BTAF1: variants seen among roughly 807,000 people sequenced by gnomAD.
BTAF1 encodes B-TFIID TATA-box binding protein associated factor 1.
Under a neutral mutation model 227.1 loss-of-function variants are expected in BTAF1, and 38 were observed. That is an observed-to-expected ratio of 0.17 (90% CI 0.13 to 0.22). BTAF1 has a LOEUF of 0.22. Among genes scored for constraint, BTAF1 ranks in the 10% least tolerant of loss-of-function variants. BTAF1 has a pLI of 1.00. For missense variants in BTAF1, 1,598 were observed against 2,204.0 expected, an observed-to-expected ratio of 0.73 and a Z score of 5.51; for synonymous variants, 742 against 751.9, an observed-to-expected ratio of 0.99 and a Z score of 0.21.
rs970996267 is a variant in BTAF1, at chr10:91,953,667, C to T, written c.565-70C>T. ...TGAAATTTATAGACTTGGTCTTCTT[C>T]TGAGGCTGAGACTATAGGTACTTAT... On this transcript the variant is annotated intron_variant, in intron 5 of 37. Transcript: ENST00000265990. 16 of 1,525,508 alleles carry T rather than the reference C, an allele frequency of 1.0e-5. No individual in the cohort carries two copies. The Middle Eastern group carries it at 1.4e-3, about 134-fold the overall frequency. 94.5% of individuals were successfully genotyped at this position (1,525,508 alleles called of 1,614,324 possible).
chr10:91,959,459 C>G (rs1045299523), intron 9 of BTAF1, among the ~76,000 whole-genome samples: 4 of 151,806 alleles, frequency 2.6e-5, no homozygotes. Context: ...CTTAATTTCT[C>G]TTGGAGTGCG....
At chr10:91,994,106 G>C (rs950118623) in intron 22 of BTAF1, among the ~76,000 whole-genome samples, 7 of 152,140 alleles carry the variant, frequency 4.6e-5, no homozygotes, top group Non-Finnish European at 7.3e-5. Context: ...TTGAGGTCAG[G>C]AGTTTGAGAC....
chr10:91,935,569 T>C, intron 1 of BTAF1, 88 bp from the exon 2 acceptor site: 2 of 1,392,642 alleles, frequency 1.4e-6, no homozygotes, highest in Non-Finnish European at 1.9e-6. Context: ...TCTTCATTCA[T>C]AGCATCTGCT....
At chr10:92,024,710 G>A in intron 34 of BTAF1, 46 bp from the exon 35 acceptor site, 1 of 1,452,178 alleles carries the variant, frequency 6.9e-7, no homozygotes, top group Non-Finnish European at 9.4e-7. Flanking sequence ...TTAGTTTTCT[G>A]CTTTTATTGA....
intron 35 of BTAF1, among the ~76,000 whole-genome samples, chr10:92,025,832 A>AC (rs1851473710): frequency 1.4e-5 from 2 of 146,300 alleles, no homozygotes; most frequent in African/African-American, 2.5e-5. Context: ...AAAAAAAAAA[A>AC]CAAGCATCCC....
intron 23 of BTAF1, 137 bp downstream of exon 23, chr10:91,994,781 C>G: frequency 1.5e-6 from 1 of 680,820 alleles, no homozygotes; most frequent in Non-Finnish European, 2.4e-6. Context: ...TAACTAGATT[C>G]CTCCTTTACT....
chr10:91,968,094 TTTGTACATA>T (rs1847049373), intron 14 of BTAF1, among the ~76,000 whole-genome samples: 1 of 152,178 alleles, frequency 6.6e-6, no homozygotes, highest in Admixed American at 6.5e-5. Context: ...TTCTGTACAT[TTTGTACATA>T]TTGTACATTT....
At chr10:91,993,310 C>A (rs1000011689) in intron 21 of BTAF1, among the ~76,000 whole-genome samples, 1 of 152,150 alleles carries the variant, frequency 6.6e-6, no homozygotes, top group African/African-American at 2.4e-5. Context: ...CTTGTACTAT[C>A]CCTTAAGTGA....
intron 20 of BTAF1, among the ~76,000 whole-genome samples, chr10:91,991,818 TATATATATATATATACACAC>T (rs1848805739): frequency 1.6e-5 from 1 of 62,000 alleles, no homozygotes; most frequent in Non-Finnish European, 2.8e-5. Flanking sequence ...TATATATATA[TATATATATATATATACACAC>T]ATATATACAC....
intron 15 of BTAF1, among the ~76,000 whole-genome samples, chr10:91,981,239 T>G (rs1848041574): frequency 6.6e-6 from 1 of 152,174 alleles, no homozygotes; most frequent in African/African-American, 2.4e-5. Flanking sequence ...TTATACTAGG[T>G]TATTACCACC....
In BTAF1 at chr10:92,007,994, T is replaced by A. The variant is rs113769894; in HGVS notation, c.3661-129T>A. On this transcript the variant is annotated intron_variant, in intron 25 of 37. Transcript: ENST00000265990. ...TTAATGCTTGTCAATTTCTTTAACCTGATTTGTCTTCAAGTCTTTGTACAA... is the reference window on the plus strand; with the variant it reads ...TTAATGCTTGTCAATTTCTTTAACCAGATTTGTCTTCAAGTCTTTGTACAA... 712 of 829,986 alleles carry A rather than the reference T, an allele frequency of 8.6e-4. 13 individuals carry two copies. In the African/African-American group the frequency reaches 0.012, roughly 14 times the overall value. 51.4% of individuals were successfully genotyped at this position (829,986 alleles called of 1,614,324 possible).
chr10:91,975,984 T>G (rs1847655306), intron 14 of BTAF1, among the ~76,000 whole-genome samples: 1 of 152,212 alleles, frequency 6.6e-6, no homozygotes, highest in Non-Finnish European at 1.5e-5. Context: ...GGAATTAGTG[T>G]CAGCTCCCAC....
intron 15 of BTAF1, among the ~76,000 whole-genome samples, chr10:91,981,388 T>C (rs2133981747): frequency 6.6e-6 from 1 of 152,300 alleles, no homozygotes; most frequent in East Asian, 1.9e-4. Flanking sequence ...TGTATTACTT[T>C]TATAGGCATG....
In BTAF1 at chr10:91,953,717, G is replaced by T. The variant is rs770477973; in HGVS notation, c.565-20G>T. ...TTTTAATTTCAAAAGTTCCAACTCAGCATTCTTTTATTCTTTTAGACTCTT... is the reference window on the plus strand; with the variant it reads ...TTTTAATTTCAAAAGTTCCAACTCATCATTCTTTTATTCTTTTAGACTCTT... On this transcript the variant is annotated intron_variant, in intron 5 of 37. Coordinates refer to ENST00000265990, the MANE Select transcript of BTAF1 (RefSeq NM_003972.3). 6.8e-6 allele frequency: 11 copies of T among 1,605,918 alleles called. No homozygotes were observed. In the South Asian group the frequency reaches 9.0e-5, roughly 13 times the overall value.
chr10:91,950,154 G>C lies in BTAF1; in HGVS notation c.401-1249G>C, dbSNP rs867454957. Among the ~76,000 whole-genome samples the C allele has an allele frequency of 1.6e-3, 145 of 90,340 alleles. 7 individuals are homozygous for C. The highest frequency in any genetic ancestry group is 5.2e-3 in the African/African-American group (136 of 26,400). 59.3% of individuals were successfully genotyped at this position (90,340 alleles called of 152,430 possible). On this transcript the variant is annotated intron_variant, in intron 4 of 37. Transcript: ENST00000265990. ...TGAGAGACCTTGTCCTTTGTGGGGG[G>C]GGGCGGGAAAGAAGACTAGGTTTTT...
At chr10:91,937,798 A>G (rs759748020) in intron 2 of BTAF1, among the ~76,000 whole-genome samples, 1 of 152,184 alleles carries the variant, frequency 6.6e-6, no homozygotes, top group Non-Finnish European at 1.5e-5. Context: ...CAGAGTATAT[A>G]TATACCTGAG....
At chr10:91,961,711 T>C (rs181570319) in intron 11 of BTAF1, among the ~76,000 whole-genome samples, 1 of 152,330 alleles carries the variant, frequency 6.6e-6, no homozygotes, top group Non-Finnish European at 1.5e-5. Flanking sequence ...TTTTGAAATA[T>C]TATCCCTATT....
At chr10:91,980,887 A>C (rs553126351) in intron 15 of BTAF1, among the ~76,000 whole-genome samples, 72 of 152,144 alleles carry the variant, frequency 4.7e-4, no homozygotes, top group Non-Finnish European at 8.8e-4. Flanking sequence ...AGATCCTGCA[A>C]AGTATCTTTT....
At chr10:91,941,115 T>C (rs1228078339) in intron 3 of BTAF1, among the ~76,000 whole-genome samples, 1 of 152,226 alleles carries the variant, frequency 6.6e-6, no homozygotes, top group Non-Finnish European at 1.5e-5. Flanking sequence ...TGTTAATTTG[T>C]CTTCTCTCAT....
Sources: allele counts gnomAD v4.1 joint callset (sites outside exome capture counted in the v4.1 genomes callset), GRCh38; gene constraint gnomAD v4.1.1; transcripts MANE v1.5; gene names NCBI Gene and HGNC (gene_info 2026-07-23, HGNC 2026-07-21).